Variants in R3HDM2 observed in about 807,000 individuals in gnomAD.
R3HDM2 encodes the protein R3H domain containing 2, also known as R3H domain-containing protein 2.
R3HDM2 carries 38 observed loss-of-function variants against 124.5 expected under a neutral mutation model. The ratio of observed to expected loss-of-function variants is 0.31; its 90% CI spans 0.24 to 0.40. The LOEUF (loss-of-function observed/expected upper bound fraction) is 0.40. Among genes scored for constraint, R3HDM2 ranks in the 10% least tolerant of loss-of-function variants. The pLI is 1.00. For missense variants in R3HDM2, 869 were observed against 1,236.9 expected, an observed-to-expected ratio of 0.70 and a Z score of 4.46; for synonymous variants, 391 against 448.0, an observed-to-expected ratio of 0.87 and a Z score of 1.61.
chr12:57,375,784 C>T (rs1031613543), intron 2 of R3HDM2, among the ~76,000 whole-genome samples: 11 of 151,726 alleles, frequency 7.2e-5, no homozygotes, highest in African/African-American at 2.2e-4. Flanking sequence ...GCAATTCTCC[C>T]GCCTCAGCCT....
intron 2 of R3HDM2, among the ~76,000 whole-genome samples, chr12:57,374,712 G>T (rs923551460): frequency 5.7e-5 from 5 of 88,324 alleles, no homozygotes; most frequent in Non-Finnish European, 7.1e-5. Context: ...AAAAAAAAAA[G>T]GCCGGGCGCG....
intron 14 of R3HDM2, among the ~76,000 whole-genome samples, chr12:57,277,422 T>C (rs1460235162): frequency 1.3e-5 from 2 of 151,636 alleles, no homozygotes; most frequent in African/African-American, 4.8e-5. Context: ...GAGTTAAAGG[T>C]AACAACCCTT....
At chr12:57,321,865 C>G (rs945218238) in intron 2 of R3HDM2, among the ~76,000 whole-genome samples, 9 of 152,078 alleles carry the variant, frequency 5.9e-5, no homozygotes, top group Non-Finnish European at 1.5e-5. Flanking sequence ...AAAGAAGGGA[C>G]CCTCCAGGAC....
intron 1 of R3HDM2, among the ~76,000 whole-genome samples, chr12:57,423,721 T>C (rs1337128393): frequency 6.9e-6 from 1 of 144,928 alleles, no homozygotes; most frequent in Non-Finnish European, 1.5e-5. Context: ...CTGAGGCGAT[T>C]GCTTGAACCC....
intron 2 of R3HDM2, among the ~76,000 whole-genome samples, chr12:57,345,456 G>A (rs111751869): frequency 6.6e-5 from 10 of 151,178 alleles, no homozygotes; most frequent in East Asian, 3.9e-4. Context: ...TGATGCATTC[G>A]TTATTAAGGC....
Position 57,266,849 on chromosome 12 carries a change from AGAG to A in R3HDM2, c.2031-21_2031-19del. The A allele has an allele frequency of 6.5e-7, 1 of 1,531,528 alleles. No homozygotes were observed. Among genetic ancestry groups the A allele is most frequent in the South Asian group, 1.1e-5 (1 of 87,376 alleles). 94.9% of individuals were successfully genotyped at this position (1,531,528 alleles called of 1,614,324 possible). On this transcript the variant is annotated intron_variant, in intron 18 of 23. Coordinates refer to ENST00000402412, the MANE Select transcript of R3HDM2 (RefSeq NM_001394031.1). The stretch of plus-strand genomic sequence containing the variant: ...CAGAAGGGCTGGGAAGACAGAGAAG[AGAG>A]GAGTGGTGAAGCAGTAGAGGGATGA...
chr12:57,289,002 T>A lies in R3HDM2; in HGVS notation c.938+7A>T. The A allele has an allele frequency of 6.5e-7, 1 of 1,549,844 alleles. No individual in the cohort carries two copies. Among genetic ancestry groups the A allele is most frequent in the Non-Finnish European group, 8.7e-7 (1 of 1,145,152 alleles). ...GAGAAGCAGGGAACATGCTAAGTGG[T>A]ACTAACCTGATGTCATTTAGATATC... is the stretch of plus-strand genomic sequence containing the variant. On this transcript the variant is annotated splice_region_variant and intron_variant, in intron 12 of 23. Transcript: ENST00000402412.
chr12:57,344,631 A>C (rs1034787137), intron 2 of R3HDM2, among the ~76,000 whole-genome samples: 2 of 152,226 alleles, frequency 1.3e-5, no homozygotes, highest in African/African-American at 4.8e-5. Context: ...AACAGAGGAT[A>C]TAAAGAAGAA....
intron 2 of R3HDM2, among the ~76,000 whole-genome samples, chr12:57,368,142 A>T (rs2062878712): frequency 6.6e-6 from 1 of 152,110 alleles, no homozygotes; most frequent in Non-Finnish European, 1.5e-5. Flanking sequence ...ATATTCCACC[A>T]GGGATGATCT....
chr12:57,361,375 C>CA lies in R3HDM2; in HGVS notation c.-36+34373dup, dbSNP rs71084747. On this transcript the variant is annotated intron_variant, in intron 2 of 23. Transcript: ENST00000402412. ...GGGCATCAAGAACGAAACTCTGTCT[C>CA]AAAAAAAAAAAAAAAAAAAAAAGGC... Among the ~76,000 whole-genome samples, 387 of 57,270 alleles carry CA rather than the reference C, an allele frequency of 6.8e-3. 4 individuals are homozygous for CA. The highest frequency in any genetic ancestry group is 0.066 in the East Asian group (133 of 2,024). 37.6% of individuals were successfully genotyped at this position (57,270 alleles called of 152,430 possible). A position where few individuals can be genotyped will look rare whatever the true frequency, so the allele number is the denominator to read the frequency against.
chr12:57,258,372 G>A (rs1159372853), intron 20 of R3HDM2, among the ~76,000 whole-genome samples: 1 of 150,252 alleles, frequency 6.7e-6, no homozygotes, highest in Non-Finnish European at 1.5e-5. Flanking sequence ...ATGGAGTCTT[G>A]CTCTATCACC....
intron 1 of R3HDM2, among the ~76,000 whole-genome samples, chr12:57,410,509 G>A (rs1375303809): frequency 6.6e-6 from 1 of 152,096 alleles, no homozygotes; most frequent in Non-Finnish European, 1.5e-5. Flanking sequence ...AAGCTCAAAT[G>A]TATTGCCTCA....
intron 1 of R3HDM2, among the ~76,000 whole-genome samples, chr12:57,404,045 T>TA: frequency 7.3e-6 from 1 of 137,018 alleles, no homozygotes; most frequent in African/African-American, 2.7e-5. Flanking sequence ...AAAAATAAAA[T>TA]AAAAAAAGTC....
chr12:57,270,950 C>T (rs1044496933), intron 14 of R3HDM2, among the ~76,000 whole-genome samples: 4 of 152,160 alleles, frequency 2.6e-5, no homozygotes, highest in African/African-American at 7.2e-5. Context: ...GACAAACTAG[C>T]GGCTTAACGA....
At chr12:57,400,762 T>C (rs2067977263) in intron 1 of R3HDM2, among the ~76,000 whole-genome samples, 1 of 151,926 alleles carries the variant, frequency 6.6e-6, no homozygotes, top group South Asian at 2.1e-4. Context: ...TAACAAGCCA[T>C]AAAGGGCTGG....
intron 2 of R3HDM2, among the ~76,000 whole-genome samples, chr12:57,320,341 T>C (rs2136284106): frequency 7.0e-6 from 1 of 142,340 alleles, no homozygotes; most frequent in East Asian, 2.1e-4. Context: ...AGAGAAGTAA[T>C]TCCATTCTTA....
chr12:57,336,998 T>A (rs1208549813), intron 2 of R3HDM2, among the ~76,000 whole-genome samples: 1 of 152,218 alleles, frequency 6.6e-6, no homozygotes, highest in African/African-American at 2.4e-5. Context: ...CTAGATCTCA[T>A]GTGTTAGCAC....
At chr12:57,386,296 G>C (rs934038540) in intron 2 of R3HDM2, among the ~76,000 whole-genome samples, 1 of 152,210 alleles carries the variant, frequency 6.6e-6, no homozygotes, top group East Asian at 1.9e-4. Flanking sequence ...CCCTCAGCTT[G>C]CGGGGAGGTG....
chr12:57,272,359 A>G, intron 14 of R3HDM2: 1 of 1,082,022 alleles, frequency 9.2e-7, no homozygotes, highest in East Asian at 2.6e-5. Context: ...CCAAAAGCAC[A>G]ACATGCTTAC....
Sources: gnomAD v4.1 joint callset for allele counts (sites outside exome capture counted in the v4.1 genomes callset) on GRCh38, gnomAD v4.1.1 for gene constraint, MANE v1.5 for transcripts, NCBI Gene and HGNC (gene_info 2026-07-23, HGNC 2026-07-21) for gene names.